GPC5: variants seen among roughly 807,000 people sequenced by gnomAD.
The protein encoded by GPC5 is glypican 5, also known as glypican-5.
GPC5 carries 47 observed loss-of-function variants against 53.9 expected under a neutral mutation model. The observed-to-expected ratio is 0.87, with a 90% CI of 0.69 to 1.11. The LOEUF is 1.11. Among genes scored for constraint, GPC5 ranks in the 50% most tolerant of loss-of-function variants. The pLI is 0.00. For missense variants in GPC5, 748 were observed against 713.1 expected, an observed-to-expected ratio of 1.05 and a Z score of -0.56; for synonymous variants, 286 against 263.3, an observed-to-expected ratio of 1.09 and a Z score of -0.84.
intron 7 of GPC5, among the ~76,000 whole-genome samples, chr13:92,670,300 G>A (rs1246248774): frequency 1.3e-5 from 2 of 152,144 alleles, no homozygotes; most frequent in Non-Finnish European, 2.9e-5. Flanking sequence ...AGTGATCAAT[G>A]TGAGGCATCC....
intron 7 of GPC5, among the ~76,000 whole-genome samples, chr13:92,532,697 T>C (rs1355880162): frequency 2.0e-5 from 3 of 152,204 alleles, no homozygotes; most frequent in Non-Finnish European, 4.4e-5. Flanking sequence ...GCATGAACTA[T>C]ATGAAGACTT....
intron 7 of GPC5, among the ~76,000 whole-genome samples, chr13:92,205,279 G>C (rs557015656): frequency 1.3e-5 from 2 of 152,216 alleles, no homozygotes; most frequent in Admixed American, 1.3e-4. Context: ...TGGAGACCTA[G>C]AGTTTTTATT....
chr13:91,965,753 C>T (rs1408489449), intron 6 of GPC5, among the ~76,000 whole-genome samples: 1 of 152,122 alleles, frequency 6.6e-6, no homozygotes, highest in Non-Finnish European at 1.5e-5. Flanking sequence ...TTATGGAGTT[C>T]CATTCAGTAC....
At chr13:92,161,365 G>C (rs2041986781) in intron 7 of GPC5, among the ~76,000 whole-genome samples, 1 of 152,074 alleles carries the variant, frequency 6.6e-6, no homozygotes, top group Non-Finnish European at 1.5e-5. Flanking sequence ...CCAAACATGA[G>C]GCATTTAATG....
chr13:92,613,758 T>G (rs1417235480), intron 7 of GPC5, among the ~76,000 whole-genome samples: 1 of 147,738 alleles, frequency 6.8e-6, no homozygotes, highest in East Asian at 2.0e-4. Context: ...CTCAGAAGGC[T>G]GAGGCAGGAG....
chr13:92,603,118 C>A (rs1884135595), intron 7 of GPC5, among the ~76,000 whole-genome samples: 1 of 152,138 alleles, frequency 6.6e-6, no homozygotes, highest in South Asian at 2.1e-4. Context: ...GACCATAAAT[C>A]CCACTGTTTG....
At chr13:92,492,685 A>T (rs540588625) in intron 7 of GPC5, among the ~76,000 whole-genome samples, 1 of 152,324 alleles carries the variant, frequency 6.6e-6, no homozygotes. Flanking sequence ...AAATAAACAC[A>T]ATGCTAGGGT....
chr13:92,697,425 A>T (rs1272333175), intron 7 of GPC5, among the ~76,000 whole-genome samples: 1 of 151,920 alleles, frequency 6.6e-6, no homozygotes, highest in East Asian at 1.9e-4. Context: ...ACCCTTGTAA[A>T]TTGTATTCCT....
At chr13:91,741,615 T>C (rs1054800866) in intron 4 of GPC5, among the ~76,000 whole-genome samples, 9 of 152,308 alleles carry the variant, frequency 5.9e-5, no homozygotes, top group African/African-American at 1.9e-4. Flanking sequence ...TTAAAATGCA[T>C]AGAGTTTATA....
intron 7 of GPC5, among the ~76,000 whole-genome samples, chr13:92,204,402 A>G (rs909367209): frequency 6.6e-6 from 1 of 152,208 alleles, no homozygotes; most frequent in Non-Finnish European, 1.5e-5. Flanking sequence ...CATTACAAAT[A>G]TTGATTAATG....
intron 2 of GPC5, among the ~76,000 whole-genome samples, chr13:91,594,249 C>A (rs2032910134): frequency 6.6e-6 from 1 of 152,150 alleles, no homozygotes; most frequent in African/African-American, 2.4e-5. Context: ...AATGTCTGGA[C>A]ATGTGTCAAT....
intron 7 of GPC5, among the ~76,000 whole-genome samples, chr13:92,381,688 G>T (rs546470673): frequency 9.2e-4 from 140 of 151,404 alleles, no homozygotes; most frequent in African/African-American, 3.2e-3. Flanking sequence ...ATTCGAAAAC[G>T]ACACTTGCAT....
intron 7 of GPC5, among the ~76,000 whole-genome samples, chr13:92,757,057 C>A: frequency 6.6e-6 from 1 of 151,538 alleles, no homozygotes; most frequent in Non-Finnish European, 1.5e-5. Flanking sequence ...AAGCTGGAGG[C>A]ATCACACTAC....
At chr13:91,872,957 A>G (rs770578855) in intron 5 of GPC5, among the ~76,000 whole-genome samples, 26 of 152,200 alleles carry the variant, frequency 1.7e-4, no homozygotes, top group Non-Finnish European at 3.2e-4. Context: ...ATGGCAAGTC[A>G]TTTCAAAATA....
intron 7 of GPC5, among the ~76,000 whole-genome samples, chr13:92,191,827 T>C (rs1173923773): frequency 6.6e-6 from 1 of 152,214 alleles, no homozygotes; most frequent in East Asian, 1.9e-4. Context: ...GATTGCACGC[T>C]CATTGTAAAT....
At chr13:92,824,011 C>G (rs921381337) in intron 7 of GPC5, among the ~76,000 whole-genome samples, 12 of 151,934 alleles carry the variant, frequency 7.9e-5, no homozygotes, top group Non-Finnish European at 1.5e-4. Flanking sequence ...CCCATCCTAC[C>G]TATACCTTCT....
intron 7 of GPC5, among the ~76,000 whole-genome samples, chr13:92,151,595 G>A (rs1226158076): frequency 6.6e-6 from 1 of 152,066 alleles, no homozygotes; most frequent in Non-Finnish European, 1.5e-5. Context: ...TTTAGCATGA[G>A]GTTTACTTCT....
chr13:91,404,354 T>G (rs1304720877), intron 1 of GPC5, among the ~76,000 whole-genome samples: 1 of 152,188 alleles, frequency 6.6e-6, no homozygotes, highest in Non-Finnish European at 1.5e-5. Context: ...TAAAATGGAG[T>G]CATGAGAGAC....
intron 2 of GPC5, among the ~76,000 whole-genome samples, chr13:91,551,534 C>T (rs891974125): frequency 1.3e-5 from 2 of 152,092 alleles, no homozygotes; most frequent in Admixed American, 6.6e-5. Flanking sequence ...CATGGTATGT[C>T]AGGGATTGAT....
Sources: allele counts gnomAD v4.1 joint callset (sites outside exome capture counted in the v4.1 genomes callset), GRCh38; gene constraint gnomAD v4.1.1; transcripts MANE v1.5; gene names NCBI Gene and HGNC (gene_info 2026-07-23, HGNC 2026-07-21).